BLTP3A: variants seen among roughly 807,000 people sequenced by gnomAD.
The protein encoded by BLTP3A is bridge-like lipid transfer protein family member 3A, also known as ICBP90 binding protein 1.
chr6:34,818,295 C>G, the BLTP3A span, among the ~76,000 whole-genome samples: 1 of 151,954 alleles, frequency 6.6e-6, no homozygotes, highest in Non-Finnish European at 1.5e-5. Context: ...ATGGCAAAAC[C>G]CTGTCTCTAC....
chr6:34,857,845 T>G, the BLTP3A span: 3 of 1,614,144 alleles, frequency 1.9e-6, no homozygotes, highest in Non-Finnish European at 2.5e-6. Flanking sequence ...AGTTCAAAGC[T>G]ATCTACAAGC....
the BLTP3A span, among the ~76,000 whole-genome samples, chr6:34,807,895 G>C: frequency 6.6e-6 from 1 of 151,930 alleles, no homozygotes; most frequent in African/African-American, 2.4e-5. Flanking sequence ...CAAAAAATTA[G>C]CTGGGTGTGG....
At chr6:34,857,250 G>A in the BLTP3A span, 1 of 1,525,560 alleles carries the variant, frequency 6.6e-7, no homozygotes, top group Non-Finnish European at 9.0e-7. Flanking sequence ...GATGGTAGAG[G>A]CTTTATGCTT....
chr6:34,837,085 G>A, the BLTP3A span, among the ~76,000 whole-genome samples: 2 of 152,186 alleles, frequency 1.3e-5, no homozygotes, highest in Non-Finnish European at 1.5e-5. Flanking sequence ...CTAATATTAA[G>A]TTTTATTACC....
chr6:34,824,733 C>T, the BLTP3A span, among the ~76,000 whole-genome samples: 13 of 151,210 alleles, frequency 8.6e-5, no homozygotes, highest in African/African-American at 2.7e-4. Flanking sequence ...TGCAGTGGCA[C>T]GATCTTGGCT....
At chr6:34,855,650 T>C in the BLTP3A span, 2 of 1,613,750 alleles carry the variant, frequency 1.2e-6, no homozygotes, top group Middle Eastern at 1.6e-4. Context: ...GGTGGTGCCA[T>C]GCAGCTTACC....
chr6:34,841,713 G>A, the BLTP3A span, among the ~76,000 whole-genome samples: 879 of 152,228 alleles, frequency 5.8e-3, 11 homozygotes, highest in African/African-American at 0.02. Context: ...TGGTTCATTG[G>A]GGTCAGCACT....
chr6:34,821,570 C>T, the BLTP3A span: 2 of 1,334,732 alleles, frequency 1.5e-6, no homozygotes, highest in Non-Finnish European at 2.0e-6. Context: ...TTTCTTTTCT[C>T]TAGATTCAGA....
the BLTP3A span, chr6:34,872,383 A>G: frequency 6.2e-7 from 1 of 1,613,270 alleles, no homozygotes; most frequent in Non-Finnish European, 8.5e-7. Flanking sequence ...GCCAACCAGG[A>G]TAAAGAAAAA....
the BLTP3A span, among the ~76,000 whole-genome samples, chr6:34,811,684 C>A: frequency 4.7e-5 from 6 of 128,726 alleles, 1 homozygote; most frequent in Admixed American, 1.5e-4. Context: ...ACCCCCCCCC[C>A]CGCATCTCTA....
At chr6:34,858,727 A>C in the BLTP3A span, 4 of 1,614,136 alleles carry the variant, frequency 2.5e-6, no homozygotes, top group African/African-American at 2.7e-5. Flanking sequence ...TACAGAAGTC[A>C]TGGAAATTCT....
the BLTP3A span, among the ~76,000 whole-genome samples, chr6:34,792,707 C>T: frequency 6.6e-6 from 1 of 152,246 alleles, no homozygotes; most frequent in African/African-American, 2.4e-5. Context: ...TGTCTTCTCT[C>T]TGCTTTCTCT....
the BLTP3A span, chr6:34,836,130 C>T: frequency 6.2e-7 from 1 of 1,605,908 alleles, no homozygotes; most frequent in Non-Finnish European, 8.5e-7. Context: ...GTCTGGACTT[C>T]CTGTTTCTCT....
chr6:34,797,339 G>T, the BLTP3A span, among the ~76,000 whole-genome samples: 5 of 152,170 alleles, frequency 3.3e-5, no homozygotes, highest in East Asian at 9.6e-4. Context: ...AGGCATAGAA[G>T]AGTTCAGCAT....
chr6:34,863,045 A>ACTCAGCCCC, the BLTP3A span, among the ~76,000 whole-genome samples: 1 of 151,788 alleles, frequency 6.6e-6, no homozygotes, highest in Non-Finnish European at 1.5e-5. Flanking sequence ...TAGCTGGACT[A>ACTCAGCCCC]CAGGCGCGCA....
At chr6:34,854,059 T>TA in the BLTP3A span, among the ~76,000 whole-genome samples, 1 of 151,868 alleles carries the variant, frequency 6.6e-6, no homozygotes, top group Admixed American at 6.6e-5. Context: ...CCGTCTCTAC[T>TA]AAAAACACAA....
At chr6:34,828,168 G>A in the BLTP3A span, among the ~76,000 whole-genome samples, 13 of 151,934 alleles carry the variant, frequency 8.6e-5, no homozygotes, top group South Asian at 2.1e-4. Context: ...ATCCTGGAAA[G>A]CCGGGCGTAT....
the BLTP3A span, among the ~76,000 whole-genome samples, chr6:34,802,432 C>T: frequency 8.7e-5 from 13 of 150,124 alleles, no homozygotes; most frequent in African/African-American, 2.7e-4. Context: ...TGTAATGGTG[C>T]GATCTCGGCT....
At chr6:34,800,894 A>AT in the BLTP3A span, among the ~76,000 whole-genome samples, 3 of 151,904 alleles carry the variant, frequency 2.0e-5, no homozygotes, top group Admixed American at 6.6e-5. Context: ...TGCCTGGCTA[A>AT]TTTTTTGTAT....
Sources: allele counts gnomAD v4.1 joint callset (sites outside exome capture counted in the v4.1 genomes callset), GRCh38; gene constraint gnomAD v4.1.1; transcripts MANE v1.5; gene names NCBI Gene and HGNC (gene_info 2026-07-23, HGNC 2026-07-21).